EML1: variants seen among roughly 807,000 people sequenced by gnomAD.
The protein encoded by EML1 is echinoderm microtubule-associated protein-like 1.
A neutral mutation model predicts 110.4 loss-of-function variants in EML1; 27 were observed. That is an observed-to-expected ratio of 0.24 (90% CI 0.18 to 0.34). EML1 has a LOEUF of 0.34. EML1 is among the 10% of genes least tolerant of loss of function. The probability of loss-of-function intolerance (pLI) is 1.00; values close to 1 mark genes in which losing one functional copy is unlikely to be tolerated. For missense variants in EML1, 741 were observed against 1,030.9 expected, an observed-to-expected ratio of 0.72 and a Z score of 3.85; for synonymous variants, 344 against 385.8, an observed-to-expected ratio of 0.89 and a Z score of 1.27.
chr14:99,835,813 A>T (rs1299845296), intron 1 of EML1, among the ~76,000 whole-genome samples: 1 of 152,076 alleles, frequency 6.6e-6, no homozygotes, highest in Non-Finnish European at 1.5e-5. Context: ...TCTCTGTTTA[A>T]TTGCCTTTGC....
At chr14:99,739,502 C>G (rs1047729293) in intron 1 of EML1, among the ~76,000 whole-genome samples, 6 of 152,182 alleles carry the variant, frequency 3.9e-5, no homozygotes, top group Non-Finnish European at 7.3e-5. Flanking sequence ...CCTCACCATC[C>G]CTTCCCCATC....
chr14:99,769,653 G>A (rs2057402848), upstream of EML1, among the ~76,000 whole-genome samples: 1 of 152,234 alleles, frequency 6.6e-6, no homozygotes, highest in Non-Finnish European at 1.5e-5. Flanking sequence ...CTACACTTGA[G>A]AAATCAGTCA....
At chr14:99,866,515 A>C (rs989889934) in intron 3 of EML1, among the ~76,000 whole-genome samples, 1 of 142,166 alleles carries the variant, frequency 7.0e-6, no homozygotes, top group African/African-American at 2.6e-5. Context: ...GGTTGCAGTG[A>C]GTCAAGATTG....
At chr14:99,775,709 G>A (rs17565081) in intron 1 of EML1, among the ~76,000 whole-genome samples, 3,313 of 152,228 alleles carry the variant, frequency 0.022, 72 homozygotes, top group Middle Eastern at 0.058. Flanking sequence ...TGGAAGCTAC[G>A]TTTTCATGAC....
At chr14:99,755,877 C>CTGGAGCAGGTCCCTGGCCCAGGG (rs1366785838) in intron 1 of EML1, among the ~76,000 whole-genome samples, 3 of 150,260 alleles carry the variant, frequency 2.0e-5, no homozygotes, top group Non-Finnish European at 4.5e-5. Context: ...TGGACCCACC[C>CTGGAGCAGGTCCCTGGCCCAGGG]TGGAGCAGGT....
rs1012919613 is a variant in EML1, at chr14:99,843,061, C to T, written c.68-7792C>T. 3.3e-5 allele frequency among the ~76,000 whole-genome samples: 5 copies of T among 152,132 alleles called. No individual in the cohort carries two copies. The South Asian group carries it at 8.3e-4, about 25-fold the overall frequency. On this transcript the variant is annotated intron_variant, in intron 1 of 21. Coordinates refer to ENST00000262233, the MANE Select transcript of EML1 (RefSeq NM_004434.3). Reference sequence around the variant, plus strand: ...TTGAGGCTAGGAGTTCAAGACCAGCCTGTGCAACATAATGAGACCCCATCT... The same window carrying T: ...TTGAGGCTAGGAGTTCAAGACCAGCTTGTGCAACATAATGAGACCCCATCT...
At chr14:99,920,959 GGTTT>G in intron 17 of EML1, 82 bp downstream of exon 17, 2 of 1,340,542 alleles carry the variant, frequency 1.5e-6, no homozygotes, top group East Asian at 2.3e-5. Flanking sequence ...AGGATGTGTC[GGTTT>G]GTTACATAGG....
At chr14:99,785,435 C>T (rs2057588434) in intron 1 of EML1, among the ~76,000 whole-genome samples, 1 of 152,122 alleles carries the variant, frequency 6.6e-6, no homozygotes, top group African/African-American at 2.4e-5. Flanking sequence ...TGCCAAGAGC[C>T]TAAGAAAGGC....
chr14:99,753,202 C>CAA (rs1167767831), intron 1 of EML1, among the ~76,000 whole-genome samples: 2 of 130,916 alleles, frequency 1.5e-5, no homozygotes, highest in African/African-American at 5.5e-5. Context: ...CCCCGCCCCC[C>CAA]CGCCGCCCCC....
chr14:99,900,926 C>G lies in EML1; in HGVS notation c.898-3C>G. The G allele has an allele frequency of 6.2e-7, 1 of 1,613,286 alleles. No individual in the cohort carries two copies. The highest frequency in any genetic ancestry group is 8.5e-7 in the Non-Finnish European group (1 of 1,179,240). On this transcript the variant is annotated splice_region_variant and splice_polypyrimidine_tract_variant and intron_variant, in intron 8 of 21. Coordinates refer to ENST00000262233, the MANE Select transcript of EML1 (RefSeq NM_004434.3). ...GATGGCTCTGTGTTTCTTTTCTGAA[C>G]AGCAATTGCCCCCACATGTGCGCAT...
intron 2 of EML1, among the ~76,000 whole-genome samples, chr14:99,853,794 C>T (rs576445581): frequency 3.3e-5 from 5 of 152,144 alleles, no homozygotes; most frequent in South Asian, 2.1e-4. Context: ...CTCAGCTTCC[C>T]GAGTTGCTGG....
rs71464634 is a variant in EML1, at chr14:99,796,936, T to TGAGA, written c.67+3397_67+3400dup. Among the ~76,000 whole-genome samples the TGAGA allele has an allele frequency of 2.3e-4, 35 of 150,142 alleles. 1 individual carries two copies. Among genetic ancestry groups the TGAGA allele is most frequent in the East Asian group, 1.8e-3 (9 of 5,066 alleles). ...GTGTGTGTGTGTGTGTGTGTGTGTG[T>TGAGA]GAGAGAGTAATAGCTTTATTGAAAT... On this transcript the variant is annotated intron_variant, in intron 1 of 21. Coordinates refer to ENST00000262233, the MANE Select transcript of EML1 (RefSeq NM_004434.3).
chr14:99,818,603 A>G lies in EML1; in HGVS notation c.67+25060A>G, dbSNP rs1197405853. The stretch of plus-strand genomic sequence containing the variant: ...GTATCATATTCACACACACGTGTGC[A>G]TCACTCTATCTTCAGGCAGAAGTGT... On this transcript the variant is annotated intron_variant, in intron 1 of 21. Coordinates refer to ENST00000262233, the MANE Select transcript of EML1 (RefSeq NM_004434.3). Among the ~76,000 whole-genome samples the G allele has an allele frequency of 1.5e-4, 23 of 152,178 alleles. 2 individuals are homozygous for G. Among genetic ancestry groups the G allele is most frequent in the Admixed American group, 1.5e-3 (23 of 15,282 alleles).
chr14:99,925,109 TCTC>T (rs1333627710), intron 17 of EML1, among the ~76,000 whole-genome samples: 1 of 152,174 alleles, frequency 6.6e-6, no homozygotes, highest in Non-Finnish European at 1.5e-5. Context: ...GGAAGTGTTC[TCTC>T]CTCTGTTTTC....
upstream of EML1, among the ~76,000 whole-genome samples, chr14:99,770,517 G>A (rs185288766): frequency 2.6e-5 from 4 of 152,038 alleles, no homozygotes; most frequent in African/African-American, 7.2e-5. Context: ...GGCTCACCTC[G>A]AAATTCCACC....
At chr14:99,738,688 A>T (rs374682271) in intron 1 of EML1, among the ~76,000 whole-genome samples, 1 of 152,132 alleles carries the variant, frequency 6.6e-6, no homozygotes, top group Non-Finnish European at 1.5e-5. Context: ...TAACCCCCCA[A>T]TGGCTGTGAA....
At chr14:99,748,423 T>C (rs35273995) in intron 1 of EML1, among the ~76,000 whole-genome samples, 1 of 151,854 alleles carries the variant, frequency 6.6e-6, no homozygotes, top group South Asian at 2.1e-4. Flanking sequence ...CCTGGCTTTG[T>C]TATCTTTTTT....
intron 2 of EML1, among the ~76,000 whole-genome samples, chr14:99,858,892 A>G (rs982135163): frequency 1.3e-5 from 2 of 152,242 alleles, no homozygotes; most frequent in Non-Finnish European, 2.9e-5. Context: ...ATTTCCTCAT[A>G]TAATCATATA....
intron 1 of EML1, chr14:99,809,449 C>T (rs190796173): frequency 6.1e-6 from 2 of 329,434 alleles, no homozygotes; most frequent in African/African-American, 4.3e-5. Context: ...ACGCAATTTT[C>T]CATTCTGGCT....
Sources: allele counts gnomAD v4.1 joint callset (sites outside exome capture counted in the v4.1 genomes callset), GRCh38; gene constraint gnomAD v4.1.1; transcripts MANE v1.5; gene names NCBI Gene and HGNC (gene_info 2026-07-23, HGNC 2026-07-21).